The following ADAMTS18 variants were observed in gnomAD, a reference collection of about 807,000 sequenced individuals.
The protein encoded by ADAMTS18 is ADAM metallopeptidase with thrombospondin type 1 motif 18, also known as A disintegrin and metalloproteinase with thrombospondin motifs 18.
A neutral mutation model predicts 165.9 loss-of-function variants in ADAMTS18; 157 were observed. The ratio of observed to expected loss-of-function variants is 0.95; its 90% CI spans 0.83 to 1.08. ADAMTS18 has a LOEUF of 1.08. Ranked by LOEUF, ADAMTS18 falls within the 50% of genes least tolerant of loss-of-function variation. ADAMTS18 has a pLI of 0.00. For synonymous variants in ADAMTS18, 782 were observed against 578.2 expected (o/e 1.35, Z -5.06); for missense variants, 2,040 against 1,534.0 (o/e 1.33, Z -5.51).
intron 3 of ADAMTS18, among the ~76,000 whole-genome samples, chr16:77,401,054 G>C (rs1279075514): frequency 6.6e-6 from 1 of 151,952 alleles, no homozygotes; most frequent in Non-Finnish European, 1.5e-5. Context: ...TCAGGAGTTT[G>C]AGACCAGCCT....
intron 3 of ADAMTS18, among the ~76,000 whole-genome samples, chr16:77,405,748 C>A (rs1263625292): frequency 6.6e-6 from 1 of 152,134 alleles, no homozygotes; most frequent in Non-Finnish European, 1.5e-5. Context: ...TCCTAGGTTA[C>A]AGATGGTCAC....
intron 3 of ADAMTS18, among the ~76,000 whole-genome samples, chr16:77,390,468 G>A (rs1019755005): frequency 6.6e-6 from 1 of 152,070 alleles, no homozygotes; most frequent in Non-Finnish European, 1.5e-5. Flanking sequence ...GAGGCGGGCA[G>A]ATCACAAGGT....
chr16:77,426,179 T>C (rs954178577), intron 3 of ADAMTS18, among the ~76,000 whole-genome samples: 3 of 152,208 alleles, frequency 2.0e-5, no homozygotes, highest in African/African-American at 7.2e-5. Context: ...TTGTTTAGCT[T>C]CCTTTAAACC....
chr16:77,288,470 C>A (rs190038898), intron 22 of ADAMTS18, among the ~76,000 whole-genome samples: 2 of 151,888 alleles, frequency 1.3e-5, no homozygotes, highest in East Asian at 3.9e-4. Context: ...TATTTCCTGG[C>A]ATTTGTCAGA....
chr16:77,289,552 A>T, intron 21 of ADAMTS18, 141 bp from the exon 22 acceptor site: 2 of 914,174 alleles, frequency 2.2e-6, no homozygotes, highest in Admixed American at 4.0e-5. Flanking sequence ...ACATGTGCTT[A>T]CAGTCCACAG....
At chr16:77,326,568 A>C (rs1474010007) in intron 12 of ADAMTS18, among the ~76,000 whole-genome samples, 1 of 151,972 alleles carries the variant, frequency 6.6e-6, no homozygotes, top group Non-Finnish European at 1.5e-5. Context: ...CTTTTTGTTG[A>C]GATGTGGTTT....
rs1567490845 is a variant in ADAMTS18 at position 77,334,081 on chromosome 16, CAGTGTTATATATTATATATAATATAT to C, written c.1859+1649_1859+1674del. On this transcript the variant is annotated intron_variant, in intron 12 of 22. Transcript: ENST00000282849. ...TGCTATATATGCTATATATAATATA[CAGTGTTATATATTATATATAATATAT>C]AGTGTTATATATTATATATAATATA... Among the ~76,000 whole-genome samples the C allele has an allele frequency of 4.9e-3, 430 of 88,106 alleles. 11 individuals are homozygous for C. Among genetic ancestry groups the C allele is most frequent in the East Asian group, 0.016 (46 of 2,858 alleles). The allele number at this position is 88,106 out of a possible 152,430, so 57.8% of individuals were successfully genotyped here. A position where few individuals can be genotyped will look rare whatever the true frequency, so the allele number is the denominator to read the frequency against.
At chr16:77,423,587 AAG>A (rs2057632035) in intron 3 of ADAMTS18, among the ~76,000 whole-genome samples, 1 of 152,168 alleles carries the variant, frequency 6.6e-6, no homozygotes, top group Non-Finnish European at 1.5e-5. Context: ...AGCCAGGATA[AAG>A]AGTTTTCCCT....
At chr16:77,426,959 A>T (rs930204992) in intron 3 of ADAMTS18, among the ~76,000 whole-genome samples, 2 of 152,202 alleles carry the variant, frequency 1.3e-5, no homozygotes, top group Non-Finnish European at 2.9e-5. Context: ...GGCTCCAGTG[A>T]GCCATGATTA....
intron 9 of ADAMTS18, among the ~76,000 whole-genome samples, chr16:77,355,018 A>G (rs954456929): frequency 2.2e-4 from 34 of 152,280 alleles, no homozygotes; most frequent in African/African-American, 7.9e-4. Context: ...TTCACGTTTA[A>G]TATGCTTTGT....
chr16:77,310,935 C>G (rs1167513125), intron 16 of ADAMTS18, among the ~76,000 whole-genome samples: 3 of 152,188 alleles, frequency 2.0e-5, no homozygotes, highest in Admixed American at 1.3e-4. Context: ...TCTCCAATAT[C>G]TAACACAGGG....
In ADAMTS18 at chr16:77,293,101, T is replaced by G. The variant is rs1431694422; in HGVS notation, c.3164A>C (p.Gln1055Pro). The G allele has an allele frequency of 2.5e-6, 4 of 1,614,066 alleles. No homozygotes were observed. Among genetic ancestry groups the G allele is most frequent in the Middle Eastern group, 1.6e-4 (1 of 6,062 alleles). ...LGRCPKNSRLQWVASSWSECS... is the reference protein window; with the variant it reads ...LGRCPKNSRLPWVASSWSECS... The stretch of plus-strand genomic sequence containing the variant: ...CTCGCTCCACGAAGAAGCGACCCAC[T>G]GTAGCCGGCTGTTCTTGGGGCATCG... The change falls in exon 20 of 23, where the codon CAG becomes CCG. Residue 1055 changes from glutamine (Q) to proline (P), a missense_variant. Coordinates refer to ENST00000282849, the MANE Select transcript of ADAMTS18 (RefSeq NM_199355.4).
chr16:77,360,292 T>A (rs2056693663), intron 7 of ADAMTS18, among the ~76,000 whole-genome samples: 2 of 152,226 alleles, frequency 1.3e-5, no homozygotes. Flanking sequence ...GTGCTATATG[T>A]CTATTATATA....
rs770100306 is a variant in ADAMTS18 at position 77,367,517 on chromosome 16, A to G, written c.702T>C (p.His234=). ...ACTCTGTCTCTCGACTCTGAGATGC[A>G]TGGGGAATGTGACTTGGGGAGTAAC... ...YPGYSPSHIP[H]ASQSRETEYH... Residue 234 remains histidine (H), a synonymous_variant, in exon 4 of 23, where the codon CAT becomes CAC. Transcript: ENST00000282849. 17 of 1,614,100 alleles carry G rather than the reference A, an allele frequency of 1.1e-5. No individual in the cohort carries two copies. Among genetic ancestry groups the G allele is most frequent in the Admixed American group, 3.3e-5 (2 of 60,004 alleles).
Position 77,353,839 on chromosome 16 carries a change from T to G in ADAMTS18, c.1508A>C (p.Gln503Pro). The G allele has an allele frequency of 6.2e-7, 1 of 1,614,174 alleles. No homozygotes were observed. The change falls in exon 10 of 23, where the codon CAG (glutamine) becomes CCG (proline). Residue 503 changes from glutamine (Q) to proline (P), a missense_variant. Transcript: ENST00000282849. ...CLVDEPKQAG[Q>P]YKYPDKLPGQ... Reference sequence around the variant, plus strand: ...TGGTAGTTTGTCCGGATATTTATACTGTCCTGCTTGCTTGGGCTCATCCAC... The same window carrying G: ...TGGTAGTTTGTCCGGATATTTATACGGTCCTGCTTGCTTGGGCTCATCCAC...
chr16:77,342,487 T>G (rs890880967), intron 10 of ADAMTS18, among the ~76,000 whole-genome samples: 4 of 152,192 alleles, frequency 2.6e-5, no homozygotes, highest in African/African-American at 9.7e-5. Context: ...GACAGATTCT[T>G]GCTTTGTGGC....
chr16:77,291,565 T>C (rs901464206), intron 20 of ADAMTS18, 87 bp from the exon 21 acceptor site: 5 of 1,327,978 alleles, frequency 3.8e-6, no homozygotes, highest in Non-Finnish European at 5.4e-6. Flanking sequence ...GGTTGCACCA[T>C]CCACATGAAA....
chr16:77,352,295 CTAAAA>C (rs10593950), intron 10 of ADAMTS18, among the ~76,000 whole-genome samples: 62,326 of 151,480 alleles, frequency 0.41, 13,244 homozygotes, highest in East Asian at 0.63. Flanking sequence ...GATAACACAA[CTAAAA>C]TAAAGAAGGT....
chr16:77,359,840 G>C (rs1487741447), intron 7 of ADAMTS18, among the ~76,000 whole-genome samples: 1 of 152,154 alleles, frequency 6.6e-6, no homozygotes, highest in Non-Finnish European at 1.5e-5. Flanking sequence ...TCACAGCTCA[G>C]GGTGTATTTT....
Sources: gnomAD v4.1 joint callset for allele counts (sites outside exome capture counted in the v4.1 genomes callset) on GRCh38, gnomAD v4.1.1 for gene constraint, MANE v1.5 for transcripts, NCBI Gene and HGNC (gene_info 2026-07-23, HGNC 2026-07-21) for gene names.